CHD5: variants seen among roughly 807,000 people sequenced by gnomAD.
CHD5 encodes ATP-dependent chromatin remodeler CHD5.
CHD5 carries 69 observed loss-of-function variants against 230.3 expected under a neutral mutation model. The observed-to-expected ratio is 0.30, with a 90% CI of 0.25 to 0.37. CHD5 has a LOEUF of 0.37. CHD5 is among the 10% of genes least tolerant of loss of function. The pLI is 1.00. For synonymous variants in CHD5, 1,064 were observed against 1,065.9 expected (o/e 1.00, Z 0.03); for missense variants, 1,827 against 2,622.8 (o/e 0.70, Z 6.63).
rs371276699 is a variant in CHD5, at chr1:6,119,865, T to TA, written c.4912+1239_4912+1240insT. ...TATGTGTGTATTATATATATATATA[T>TA]TTTTTTTTTTTCTGAGATTGAGTCC... On this transcript the variant is annotated intron_variant, in intron 33 of 41. Transcript: ENST00000262450. Among the ~76,000 whole-genome samples, 561 of 57,774 alleles carry TA rather than the reference T, an allele frequency of 9.7e-3. 1 individual carries two copies. The highest frequency in any genetic ancestry group is 0.022 in the East Asian group (20 of 900). The allele number at this position is 57,774 out of a possible 152,430, so 37.9% of individuals were successfully genotyped here.
At chr1:6,157,794 G>A (rs975194186) in intron 3 of CHD5, among the ~76,000 whole-genome samples, 5 of 152,206 alleles carry the variant, frequency 3.3e-5, no homozygotes, top group African/African-American at 4.8e-5. Context: ...GGATGATACT[G>A]TTACAGGGTG....
chr1:6,113,802 G>T (rs1438838604), intron 33 of CHD5, among the ~76,000 whole-genome samples: 1 of 152,220 alleles, frequency 6.6e-6, no homozygotes, highest in Non-Finnish European at 1.5e-5. Flanking sequence ...CCTCGTGGGT[G>T]TGGGATATGA....
chr1:6,167,859 C>T lies in CHD5; in HGVS notation c.207+291G>A, dbSNP rs1466781977. ...GTGGGGCAGGGAGGTAGGGAGGCACCGTGGCGACGGAATCCAGCCCTGTCC... is the reference window on the plus strand; with the variant it reads ...GTGGGGCAGGGAGGTAGGGAGGCACTGTGGCGACGGAATCCAGCCCTGTCC... On this transcript the variant is annotated intron_variant, in intron 2 of 41. Coordinates refer to ENST00000262450, the MANE Select transcript of CHD5 (RefSeq NM_015557.3). The surrounding 1 kb of genome is among the most constrained non-coding windows in gnomAD (Gnocchi z 4.5). Among the ~76,000 whole-genome samples the T allele has an allele frequency of 6.6e-6, 1 of 152,110 alleles. No individual in the cohort carries two copies. The highest frequency in any genetic ancestry group is 2.4e-5 in the African/African-American group (1 of 41,400).
intron 1 of CHD5, among the ~76,000 whole-genome samples, chr1:6,171,280 G>A (rs377487806): frequency 1.3e-5 from 2 of 152,192 alleles, no homozygotes; most frequent in South Asian, 4.1e-4. Flanking sequence ...TCGAGGACAA[G>A]GCCCCAGACC....
rs915884807 is a variant in CHD5, at chr1:6,130,291, G to C, written c.3300C>G (p.Thr1100=). 4.3e-6 allele frequency: 7 copies of C among 1,613,902 alleles called. No homozygotes were observed. Among genetic ancestry groups the C allele is most frequent in the Non-Finnish European group, 5.1e-6 (6 of 1,179,954 alleles). The part of the protein sequence containing the change: ...GAQQFCFLLS[T]RAGGLGINLA... ...GGTTGATGCCCAGACCACCTGCCCG[G>C]GTTGAGAGGAGGAAGCAGAACTGCT... Residue 1100 remains threonine, a synonymous_variant, in exon 22 of 42, where the codon ACC becomes ACG. Transcript: ENST00000262450. This position sits in a 1 kb window ranked among gnomAD's most constrained non-coding sequence, Gnocchi z 4.9.
intron 1 of CHD5, among the ~76,000 whole-genome samples, chr1:6,169,391 T>G (rs1557563695): frequency 6.6e-6 from 1 of 152,182 alleles, no homozygotes; most frequent in East Asian, 1.9e-4. Context: ...GAGGGGGCCC[T>G]GGCCGGGCAG....
rs1883768 is a variant in CHD5, at chr1:6,105,359, C to G, written c.*115G>C. 2.1e-6 allele frequency: 1 copy of G among 470,144 alleles called. No individual in the cohort carries two copies. Among genetic ancestry groups the G allele is most frequent in the African/African-American group, 2.0e-5 (1 of 50,142 alleles). 29.1% of individuals were successfully genotyped at this position (470,144 alleles called of 1,614,324 possible). A position where few individuals can be genotyped will look rare whatever the true frequency, so the allele number is the denominator to read the frequency against. ...GGTTTCCCTTTTTGTCCCAAGGTGG[C>G]GCTGGCTCCTAAAAAGGTGGCAGCT... On this transcript the variant is annotated 3_prime_UTR_variant, in exon 42 of 42. Coordinates refer to ENST00000262450, the MANE Select transcript of CHD5 (RefSeq NM_015557.3). The surrounding 1 kb of genome is among the most constrained non-coding windows in gnomAD (Gnocchi z 4.8).
chr1:6,159,218 G>A (rs541632187), intron 3 of CHD5, 118 bp downstream of exon 3: 7 of 1,458,990 alleles, frequency 4.8e-6, no homozygotes, highest in Admixed American at 2.4e-5. Flanking sequence ...GCAACAGAGT[G>A]AGACTCCATC....
chr1:6,160,332 C>T lies in CHD5; in HGVS notation c.208-817G>A, dbSNP rs1424832452. ...AAGGGCCCCAGCCAGGGAAGGGCCC[C>T]AGCAAGGGAAGAGCCCCAGCCAGGG... is the stretch of plus-strand genomic sequence containing the variant. On this transcript the variant is annotated intron_variant, in intron 2 of 41. Coordinates refer to ENST00000262450, the MANE Select transcript of CHD5 (RefSeq NM_015557.3). Among the ~76,000 whole-genome samples the T allele has an allele frequency of 2.2e-5, 2 of 92,736 alleles. 1 individual carries two copies. The highest frequency in any genetic ancestry group is 1.0e-4 in the African/African-American group (2 of 19,810). 60.8% of individuals were successfully genotyped at this position (92,736 alleles called of 152,430 possible). A position where few individuals can be genotyped will look rare whatever the true frequency, so the allele number is the denominator to read the frequency against.
In CHD5 at chr1:6,124,033, C is replaced by T. The variant is rs1666513944; in HGVS notation, c.4614G>A (p.Lys1538=). 2 of 1,613,164 alleles carry T rather than the reference C, an allele frequency of 1.2e-6. No homozygotes were observed. Among genetic ancestry groups the T allele is most frequent in the East Asian group, 2.2e-5 (1 of 44,714 alleles). ...DLIPEGPEGK[K]SGEVISSDPN... is the part of the protein sequence containing the mutation. ...GGTCCGAGGAGATCACCTCGCCCGACTTCTTCCCCTCGGGCCCCTCAGGGA... is the reference window on the plus strand; with the variant it reads ...GGTCCGAGGAGATCACCTCGCCCGATTTCTTCCCCTCGGGCCCCTCAGGGA... Residue 1538 remains lysine, a synonymous_variant, in exon 31 of 42, where the codon AAG becomes AAA. Coordinates refer to ENST00000262450, the MANE Select transcript of CHD5 (RefSeq NM_015557.3).
chr1:6,172,971 AAGGATTTGC>A, intron 1 of CHD5, among the ~76,000 whole-genome samples: 1 of 152,132 alleles, frequency 6.6e-6, no homozygotes, highest in Admixed American at 6.5e-5. Flanking sequence ...TGGGTGGTTG[AAGGATTTGC>A]AGGGGCCAAG....
chr1:6,151,159 C>T lies in CHD5; in HGVS notation c.871-4G>A. The T allele has an allele frequency of 6.2e-7, 1 of 1,601,700 alleles. No individual in the cohort carries two copies. On this transcript the variant is annotated splice_polypyrimidine_tract_variant and splice_region_variant and intron_variant, in intron 6 of 41. Transcript: ENST00000262450. ...CCTCCCTCTCATCTTCTTCACTCTG[C>T]AGGGGAAGACAGGGTCCTGTGATCC...
At chr1:6,156,811 G>A (rs1667088025) in intron 3 of CHD5, among the ~76,000 whole-genome samples, 1 of 152,208 alleles carries the variant, frequency 6.6e-6, no homozygotes, top group Non-Finnish European at 1.5e-5. Context: ...CAGGGGCACA[G>A]TGAGTTCTCA....
rs902914527 is a variant in CHD5 at position 6,126,080 on chromosome 1, G to T, written c.4079-222C>A. ...TACCCACACATTACACATACTGTGT[G>T]CAAGGGACGTGCCCAAGGCCACGTC... On this transcript the variant is annotated intron_variant, in intron 26 of 41. Transcript: ENST00000262450. This position sits in a 1 kb window ranked among gnomAD's most constrained non-coding sequence, Gnocchi z 5.7. 2.8e-4 allele frequency among the ~76,000 whole-genome samples: 42 copies of T among 152,152 alleles called. 1 individual carries two copies. The highest frequency in any genetic ancestry group is 1.0e-4 in the Non-Finnish European group (7 of 68,030).
chr1:6,109,736 C>T (rs546345186), intron 38 of CHD5, 59 bp downstream of exon 38: 30 of 1,459,142 alleles, frequency 2.1e-5, no homozygotes, highest in South Asian at 1.7e-4. Context: ...CAGCCAAGAG[C>T]GCTCGCTGGG....
Position 6,168,030 on chromosome 1 carries a change from T to G in CHD5, c.207+120A>C. The G allele has an allele frequency of 3.2e-6, 4 of 1,236,744 alleles. No homozygotes were observed. In the African/African-American group the frequency reaches 6.0e-5, roughly 19 times the overall value. The allele number at this position is 1,236,744 out of a possible 1,614,324, so 76.6% of individuals were successfully genotyped here. On this transcript the variant is annotated intron_variant, in intron 2 of 41. Coordinates refer to ENST00000262450, the MANE Select transcript of CHD5 (RefSeq NM_015557.3). ...CTGGTTATGGTGTTTTTCATCAAAC[T>G]CAGCTCTCAGAAACCCTCAAACTCC...
At chr1:6,133,404 G>A (rs2843491) in intron 20 of CHD5, among the ~76,000 whole-genome samples, 28,109 of 152,216 alleles carry the variant, frequency 0.18, 3,423 homozygotes, top group East Asian at 0.66. Flanking sequence ...GGCTGCAGGC[G>A]GCGGACGCTG....
rs1666651581 is a variant in CHD5 at position 6,131,172 on chromosome 1, C to T, written c.3262+459G>A. ...ACCGGCAAGACCCTCCTGACCTCCACCCTCGCCTCTCCTTCCCAGGCAGGG... is the reference window on the plus strand; with the variant it reads ...ACCGGCAAGACCCTCCTGACCTCCATCCTCGCCTCTCCTTCCCAGGCAGGG... On this transcript the variant is annotated intron_variant, in intron 21 of 41. Transcript: ENST00000262450. This position sits in a 1 kb window ranked among gnomAD's most constrained non-coding sequence, Gnocchi z 5.0. Among the ~76,000 whole-genome samples the T allele has an allele frequency of 6.6e-6, 1 of 152,244 alleles. No homozygotes were observed. Among genetic ancestry groups the T allele is most frequent in the Non-Finnish European group, 1.5e-5 (1 of 68,040 alleles).
Position 6,124,637 on chromosome 1 carries a change from C to A in CHD5, c.4419G>T (p.Arg1473=), listed in dbSNP as rs1247766390. The A allele has an allele frequency of 1.3e-6, 2 of 1,500,978 alleles. No individual in the cohort carries two copies. The highest frequency in any genetic ancestry group is 1.8e-6 in the Non-Finnish European group (2 of 1,099,386). The allele number at this position is 1,500,978 out of a possible 1,614,324, so 93.0% of individuals were successfully genotyped here. Residue 1473 remains arginine, a synonymous_variant, in exon 30 of 42, where the codon CGG becomes CGT. Transcript: ENST00000262450. ...CATCCGCCCCCGGCTCACACAGGTG[C>A]CGCATGAAGAGGGACACATAGGCTC... ...EFRAYVSLFM[R]HLCEPGADGA...
Sources: allele counts gnomAD v4.1 joint callset (sites outside exome capture counted in the v4.1 genomes callset), GRCh38; gene constraint gnomAD v4.1.1; non-coding constraint Gnocchi (gnomAD v3.1); transcripts MANE v1.5; gene names NCBI Gene and HGNC (gene_info 2026-07-23, HGNC 2026-07-21).